Variants in MAP2K5 observed in about 807,000 individuals in gnomAD.
The protein encoded by MAP2K5 is mitogen-activated protein kinase kinase 5.
MAP2K5 carries 49 observed loss-of-function variants against 83.1 expected under a neutral mutation model. The observed-to-expected ratio is 0.59, with a 90% CI of 0.47 to 0.75. The LOEUF (loss-of-function observed/expected upper bound fraction) is 0.75, where lower values mean the gene tolerates loss of function less well. MAP2K5 is among the 30% of genes least tolerant of loss of function. MAP2K5 has a pLI of 0.00. For synonymous variants in MAP2K5, 202 were observed against 191.8 expected (o/e 1.05, Z -0.44); for missense variants, 457 against 557.5 (o/e 0.82, Z 1.82).
rs752091686 is a variant in MAP2K5 at position 67,750,165 on chromosome 15, A to G, written c.1134+1564A>G. Among the ~76,000 whole-genome samples the G allele has an allele frequency of 6.6e-6, 1 of 152,220 alleles. No homozygotes were observed. The highest frequency in any genetic ancestry group is 1.5e-5 in the Non-Finnish European group (1 of 68,042). On this transcript the variant is annotated intron_variant, in intron 19 of 21. Coordinates refer to ENST00000178640, the MANE Select transcript of MAP2K5 (RefSeq NM_145160.3). The surrounding 1 kb of genome is among the most constrained non-coding windows in gnomAD (Gnocchi z 4.2). ...CATGGGGAGATGTTCTATTTAAGGG[A>G]TGAAGATTGATGAAGAACAATAATG...
chr15:67,741,368 A>T (rs2089487980), intron 17 of MAP2K5, among the ~76,000 whole-genome samples: 1 of 152,100 alleles, frequency 6.6e-6, no homozygotes, highest in South Asian at 2.1e-4. Context: ...CTGGGACTTG[A>T]CTCAGCAATT....
intron 21 of MAP2K5, among the ~76,000 whole-genome samples, chr15:67,788,385 T>C (rs2090455445): frequency 6.6e-6 from 1 of 152,190 alleles, no homozygotes; most frequent in African/African-American, 2.4e-5. Context: ...GAAGGTAGCC[T>C]CAGGCTGTCT....
At chr15:67,745,740 A>T (rs1367217409) in intron 17 of MAP2K5, among the ~76,000 whole-genome samples, 10 of 152,256 alleles carry the variant, frequency 6.6e-5, no homozygotes, top group African/African-American at 2.4e-4. Flanking sequence ...TCATATAAAG[A>T]AAAGCACAGT....
chr15:67,630,964 T>G, intron 9 of MAP2K5, 37 bp downstream of exon 9: 2 of 1,491,006 alleles, frequency 1.3e-6, no homozygotes, highest in Non-Finnish European at 1.9e-6. Flanking sequence ...TTCTTGATGT[T>G]CACCTCTTTC....
chr15:67,647,998 C>A (rs999718284), intron 11 of MAP2K5, among the ~76,000 whole-genome samples: 23 of 152,132 alleles, frequency 1.5e-4, no homozygotes, highest in African/African-American at 5.1e-4. Context: ...TGTGATCGTG[C>A]CACTGCACTC....
At chr15:67,732,960 G>A (rs1380975109) in intron 17 of MAP2K5, among the ~76,000 whole-genome samples, 1 of 151,078 alleles carries the variant, frequency 6.6e-6, no homozygotes, top group Admixed American at 6.6e-5. Flanking sequence ...TCTGTGGGGA[G>A]GGGGGGCTTA....
At chr15:67,601,715 C>G (rs994618453) in intron 8 of MAP2K5, among the ~76,000 whole-genome samples, 4 of 152,176 alleles carry the variant, frequency 2.6e-5, no homozygotes, top group Non-Finnish European at 5.9e-5. Flanking sequence ...AAAAATTGCC[C>G]TATTCTATGA....
intron 16 of MAP2K5, among the ~76,000 whole-genome samples, chr15:67,711,319 A>C (rs535193751): frequency 6.6e-6 from 1 of 152,360 alleles, no homozygotes; most frequent in African/African-American, 2.4e-5. Context: ...AATAGATCAC[A>C]GTGTTGTGCT....
chr15:67,600,012 A>T (rs1880830451), intron 7 of MAP2K5, among the ~76,000 whole-genome samples: 1 of 152,220 alleles, frequency 6.6e-6, no homozygotes, highest in African/African-American at 2.4e-5. Context: ...TAAAGTTACG[A>T]AAATGACTTT....
In MAP2K5 at chr15:67,646,406, A is replaced by T. The variant is rs375915169; in HGVS notation, c.673A>T (p.Ile225Phe). Residue 225 changes from isoleucine to phenylalanine, a missense_variant, in exon 11 of 22, where the codon ATT becomes TTT. Transcript: ENST00000178640. ...GTTACAGTGCGATTCATCATATATC[A>T]TTGGATTTTATGGAGCATTTTTTGT... ...ILYKCDSSYI[I>F]GFYGAFFVEN... 5.0e-6 allele frequency: 8 copies of T among 1,598,874 alleles called. No individual in the cohort carries two copies. Among genetic ancestry groups the T allele is most frequent in the African/African-American group, 4.0e-5 (3 of 74,594 alleles).
At chr15:67,670,447 G>C (rs1247061499) in intron 13 of MAP2K5, 1 of 455,680 alleles carries the variant, frequency 2.2e-6, no homozygotes, top group East Asian at 6.9e-5. Context: ...ACCTGAAAAG[G>C]GTGAGTGAAT....
chr15:67,589,777 GTGTGTA>G (rs1052333315), intron 6 of MAP2K5, among the ~76,000 whole-genome samples: 4 of 39,458 alleles, frequency 1.0e-4, no homozygotes, highest in African/African-American at 2.5e-4. Flanking sequence ...AAATGTGTGT[GTGTGTA>G]TGTGTGTGTG....
At chr15:67,731,024 C>A (rs2089207964) in intron 17 of MAP2K5, among the ~76,000 whole-genome samples, 1 of 152,172 alleles carries the variant, frequency 6.6e-6, no homozygotes, top group African/African-American at 2.4e-5. Flanking sequence ...GGATATGAAA[C>A]CACTCTGAAA....
In MAP2K5 at chr15:67,748,274, C is replaced by G; in HGVS notation, c.1101+17C>G. ...TCTTTAATGGTAAGCTTTATGAGTT[C>G]AGAAAAAAATTCACTTTTCTTTTTC... On this transcript the variant is annotated intron_variant, in intron 18 of 21. Transcript: ENST00000178640. This position sits in a 1 kb window ranked among gnomAD's most constrained non-coding sequence, Gnocchi z 4.0. The G allele has an allele frequency of 6.3e-7, 1 of 1,597,352 alleles. No individual in the cohort carries two copies. The highest frequency in any genetic ancestry group is 8.6e-7 in the Non-Finnish European group (1 of 1,166,778).
intron 13 of MAP2K5, among the ~76,000 whole-genome samples, chr15:67,684,342 G>T (rs2141189440): frequency 6.6e-6 from 1 of 152,306 alleles, no homozygotes; most frequent in Non-Finnish European, 1.5e-5. Context: ...AGATTAGAAG[G>T]ATTATGCTTT....
At chr15:67,740,733 A>C (rs1217936409) in intron 17 of MAP2K5, among the ~76,000 whole-genome samples, 2 of 152,164 alleles carry the variant, frequency 1.3e-5, no homozygotes, top group Admixed American at 6.5e-5. Flanking sequence ...GGCTATCAGA[A>C]ATGTGAATGC....
intron 7 of MAP2K5, among the ~76,000 whole-genome samples, chr15:67,595,976 C>CTTTTTTTTTT (rs11335365): frequency 6.9e-6 from 1 of 144,948 alleles, no homozygotes; most frequent in Non-Finnish European, 1.5e-5. Context: ...GTTATTTTTT[C>CTTTTTTTTTT]TTTTTTTTTT....
intron 12 of MAP2K5, among the ~76,000 whole-genome samples, chr15:67,660,137 C>T (rs770227272): frequency 5.3e-5 from 8 of 151,738 alleles, no homozygotes; most frequent in Non-Finnish European, 1.0e-4. Context: ...TTTTATGGCT[C>T]ATCAGGTCAT....
At chr15:67,700,573 T>A (rs2088390090) in intron 15 of MAP2K5, among the ~76,000 whole-genome samples, 1 of 152,154 alleles carries the variant, frequency 6.6e-6, no homozygotes, top group Admixed American at 6.5e-5. Context: ...CAGGCCACCT[T>A]GGCTTCAAGT....
Sources: gnomAD v4.1 joint callset for allele counts (sites outside exome capture counted in the v4.1 genomes callset) on GRCh38, gnomAD v4.1.1 for gene constraint, Gnocchi (gnomAD v3.1) non-coding constraint, MANE v1.5 for transcripts, NCBI Gene and HGNC (gene_info 2026-07-23, HGNC 2026-07-21) for gene names.